The following RBM47 variants were observed in gnomAD, a reference collection of about 807,000 sequenced individuals.
RBM47 encodes RNA binding motif protein 47.
A neutral mutation model predicts 47.1 loss-of-function variants in RBM47; 21 were observed. That is an observed-to-expected ratio of 0.45 (90% confidence interval 0.32 to 0.64). The LOEUF is 0.64. Ranked by LOEUF, RBM47 falls within the 30% of genes least tolerant of loss-of-function variation. The probability of loss-of-function intolerance (pLI) is 0.05; values close to 1 mark genes in which losing one functional copy is unlikely to be tolerated. For missense variants in RBM47, 708 were observed against 870.9 expected (o/e 0.81, Z 2.35); for synonymous variants, 375 against 361.7 (o/e 1.04, Z -0.42).
chr4:40,456,547 TTTTTTTTTTTTCTTTTCTTTTTTC>T (rs1479302356), intron 3 of RBM47, among the ~76,000 whole-genome samples: 4 of 133,310 alleles, frequency 3.0e-5, no homozygotes, highest in South Asian at 2.3e-4. Context: ...TCCCATTTTC[TTTTTTTTTTTTCTTTTCTTTTTTC>T]TTTTTTTTTT....
At chr4:40,592,812 G>A (rs1208688561) in intron 1 of RBM47, among the ~76,000 whole-genome samples, 1 of 150,372 alleles carries the variant, frequency 6.7e-6, no homozygotes, top group Admixed American at 6.7e-5. Context: ...GCCTGCCTTG[G>A]CCTCCCAGTG....
chr4:40,461,836 G>A (rs1717186051), intron 3 of RBM47, among the ~76,000 whole-genome samples: 1 of 151,880 alleles, frequency 6.6e-6, no homozygotes, highest in South Asian at 2.1e-4. Flanking sequence ...TCGAGAGGCT[G>A]AGGTAGGAGA....
chr4:40,594,521 T>C (rs1267187813), intron 1 of RBM47, among the ~76,000 whole-genome samples: 1 of 148,686 alleles, frequency 6.7e-6, no homozygotes, highest in African/African-American at 2.5e-5. Context: ...CTCCTCTGCA[T>C]GACATTCAAG....
chr4:40,470,414 G>A (rs1036055730), intron 2 of RBM47, among the ~76,000 whole-genome samples: 2 of 152,116 alleles, frequency 1.3e-5, no homozygotes, highest in African/African-American at 4.8e-5. Flanking sequence ...TTCAACACAT[G>A]GGGGGACTTG....
intron 2 of RBM47, among the ~76,000 whole-genome samples, chr4:40,499,436 G>A (rs980787310): frequency 3.3e-5 from 5 of 152,178 alleles, no homozygotes; most frequent in Non-Finnish European, 7.3e-5. Flanking sequence ...TTGAGATGGA[G>A]TCTTGCTCTG....
chr4:40,448,601 G>A (rs936257562), intron 3 of RBM47, among the ~76,000 whole-genome samples: 2 of 152,136 alleles, frequency 1.3e-5, no homozygotes, highest in Non-Finnish European at 2.9e-5. Context: ...AGGCTTTGGA[G>A]TCAGAGATCT....
At chr4:40,488,947 T>C (rs1046915651) in intron 2 of RBM47, among the ~76,000 whole-genome samples, 2 of 152,218 alleles carry the variant, frequency 1.3e-5, no homozygotes, top group Admixed American at 6.5e-5. Flanking sequence ...ATTAAATAAG[T>C]GTTCAAAGTC....
At chr4:40,474,408 T>A (rs1315690403) in intron 2 of RBM47, among the ~76,000 whole-genome samples, 3 of 151,832 alleles carry the variant, frequency 2.0e-5, no homozygotes, top group Non-Finnish European at 4.4e-5. Flanking sequence ...ATAACGATGA[T>A]CTTGAGAATG....
intron 2 of RBM47, among the ~76,000 whole-genome samples, chr4:40,527,319 C>T (rs1054427477): frequency 1.3e-5 from 2 of 151,028 alleles, no homozygotes. Context: ...CGGAATCTAG[C>T]TCTGTTGCTC....
chr4:40,623,446 G>A (rs1737450057), intron 1 of RBM47, among the ~76,000 whole-genome samples: 1 of 152,210 alleles, frequency 6.6e-6, no homozygotes, highest in South Asian at 2.1e-4. Flanking sequence ...CCACACTGCT[G>A]TGATTCATTG....
At chr4:40,620,332 C>A (rs1359824850) in intron 1 of RBM47, among the ~76,000 whole-genome samples, 2 of 151,856 alleles carry the variant, frequency 1.3e-5, no homozygotes, top group Admixed American at 6.6e-5. Context: ...ATGGTGAAAC[C>A]CGTTTCTACT....
intron 1 of RBM47, among the ~76,000 whole-genome samples, chr4:40,580,588 A>G (rs376373207): frequency 6.6e-6 from 1 of 152,170 alleles, no homozygotes; most frequent in East Asian, 1.9e-4. Flanking sequence ...CCAACCGCCC[A>G]TGGGCTGCAT....
intron 3 of RBM47, among the ~76,000 whole-genome samples, chr4:40,453,451 G>A (rs1043447414): frequency 6.6e-6 from 1 of 152,156 alleles, no homozygotes; most frequent in Admixed American, 6.5e-5. Flanking sequence ...AGAGACAGAT[G>A]GAAATTATGC....
chr4:40,576,298 CAT>C (rs1491365942), intron 1 of RBM47, among the ~76,000 whole-genome samples: 1 of 138,800 alleles, frequency 7.2e-6, no homozygotes, highest in East Asian at 2.2e-4. Context: ...CACCCACAAT[CAT>C]ATTTATGCCT....
chr4:40,566,780 T>G (rs1205889408), intron 1 of RBM47, among the ~76,000 whole-genome samples: 1 of 151,990 alleles, frequency 6.6e-6, no homozygotes, highest in East Asian at 1.9e-4. Flanking sequence ...ACACATTACC[T>G]ATGTTCTGGT....
At chr4:40,449,001 A>T (rs1180107085) in intron 3 of RBM47, among the ~76,000 whole-genome samples, 2 of 152,224 alleles carry the variant, frequency 1.3e-5, no homozygotes, top group Admixed American at 6.5e-5. Flanking sequence ...CTGAGCATTT[A>T]TCTTACTGCC....
chr4:40,592,026 A>C (rs570881426), intron 1 of RBM47, among the ~76,000 whole-genome samples: 2 of 152,322 alleles, frequency 1.3e-5, no homozygotes, highest in South Asian at 4.1e-4. Flanking sequence ...TTTACCCCTC[A>C]GGAAAAATGC....
chr4:40,537,436 T>C (rs965353712), intron 2 of RBM47, among the ~76,000 whole-genome samples: 1 of 151,440 alleles, frequency 6.6e-6, no homozygotes, highest in Non-Finnish European at 1.5e-5. Flanking sequence ...CTAATTTTTG[T>C]AGAGATAGGG....
intron 3 of RBM47, among the ~76,000 whole-genome samples, chr4:40,457,093 C>T (rs1270688375): frequency 2.6e-5 from 4 of 151,894 alleles, no homozygotes; most frequent in African/African-American, 7.3e-5. Context: ...CCCAGAGAGT[C>T]CAAATATAAA....
Sources: allele counts gnomAD v4.1 joint callset (sites outside exome capture counted in the v4.1 genomes callset), GRCh38; gene constraint gnomAD v4.1.1; transcripts MANE v1.5; gene names NCBI Gene and HGNC (gene_info 2026-07-23, HGNC 2026-07-21).